ARSL: variants seen among roughly 807,000 people sequenced by gnomAD.
The protein encoded by ARSL is arylsulfatase E (chondrodysplasia punctata 1).
Under a neutral mutation model 31.1 loss-of-function variants are expected in ARSL, and 4 were observed. The ratio of observed to expected loss-of-function variants is 0.13; its 90% CI spans 0.06 to 0.29. The LOEUF (loss-of-function observed/expected upper bound fraction) is 0.29, where lower values mean the gene tolerates loss of function less well. Ranked by LOEUF, ARSL falls within the 10% of genes least tolerant of loss-of-function variation. The pLI, the probability that ARSL is intolerant of heterozygous loss-of-function variation, is 1.00. For missense variants in ARSL, 312 were observed against 497.8 expected (o/e 0.63, Z 3.55); for synonymous variants, 198 against 209.9 (o/e 0.94, Z 0.49).
At chrX:2,946,161 G>A in intron 6 of ARSL, 27 bp from the exon 7 acceptor site, 1 of 1,206,208 alleles carries the variant, frequency 8.3e-7, no homozygotes, top group Non-Finnish European at 1.1e-6. Flanking sequence ...AGCAATTAAG[G>A]TGACTTTTTT....
At position 2,944,509 on chromosome X, in the gene ARSL, CCA is replaced by C. The variant is rs56916363; in HGVS notation, c.992-1312_992-1311del. ...AAACAAAACAAAAAGTGAGACCCTG[CCA>C]CACACACACACACAATTAACTTTTT... On this transcript the variant is annotated intron_variant, in intron 7 of 10. Transcript: ENST00000381134. Among the ~76,000 whole-genome samples the C allele has an allele frequency of 9.4e-5, 10 of 106,838 alleles. No homozygotes were observed. The East Asian group carries it at 2.0e-3, about 22-fold the overall frequency. The allele number at this position is 106,838 out of a possible 115,157, so 92.8% of individuals were successfully genotyped here. A position where few individuals can be genotyped will look rare whatever the true frequency, so the allele number is the denominator to read the frequency against.
chrX:2,943,303 G>A (rs1841461677), intron 7 of ARSL, 104 bp from the exon 8 acceptor site: 1 of 1,025,464 alleles, frequency 9.8e-7, no homozygotes, highest in Admixed American at 2.6e-5. Flanking sequence ...CAAGAATGAA[G>A]CCTTAGTTTT....
intron 7 of ARSL, among the ~76,000 whole-genome samples, chrX:2,945,325 AGGTCAT>A (rs755065346): frequency 1.8e-5 from 2 of 111,881 alleles, no homozygotes; most frequent in Non-Finnish European, 3.8e-5. Flanking sequence ...GGGCAGCAGC[AGGTCAT>A]GGGGCTTTTG....
At chrX:2,962,481 T>C (rs190791257) in intron 1 of ARSL, among the ~76,000 whole-genome samples, 1,307 of 109,915 alleles carry the variant, frequency 0.012, 20 homozygotes, top group African/African-American at 0.04. Context: ...GTGGCCGTGG[T>C]GTCTGTCCAG....
intron 1 of ARSL, among the ~76,000 whole-genome samples, chrX:2,963,146 G>T (rs2089661313): frequency 8.9e-6 from 1 of 111,931 alleles, no homozygotes; most frequent in African/African-American, 3.2e-5. Context: ...TGCTCGTGAG[G>T]TTTTTTTGTT....
chrX:2,952,743 G>A (rs1360224004), intron 5 of ARSL: 4 of 130,864 alleles, frequency 3.1e-5, no homozygotes. Flanking sequence ...ACAGAACAAA[G>A]AAGCAATTAT....
At chrX:2,950,103 C>G (rs747905279) in intron 5 of ARSL, among the ~76,000 whole-genome samples, 3 of 111,939 alleles carry the variant, frequency 2.7e-5, no homozygotes, top group African/African-American at 9.7e-5. Flanking sequence ...CCTGCCTCTC[C>G]CAGCTCCTGA....
chrX:2,944,477 A>C (rs751525046), intron 7 of ARSL, among the ~76,000 whole-genome samples: 2,649 of 107,657 alleles, frequency 0.025, 44 homozygotes, highest in African/African-American at 0.045. Context: ...AAAAAACAAA[A>C]AAAAAAAAAC....
In ARSL at chrX:2,964,295, G is replaced by A. The variant is rs1476203544; in HGVS notation, c.-92C>T. 1 of 752,177 alleles carries A rather than the reference G, an allele frequency of 1.3e-6. No individual in the cohort carries two copies. The highest frequency in any genetic ancestry group is 1.6e-6 in the Non-Finnish European group (1 of 639,102). The allele number at this position is 752,177 out of a possible 1,213,427, so 62.0% of individuals were successfully genotyped here. On this transcript the variant is annotated 5_prime_UTR_variant, in exon 1 of 11. Coordinates refer to ENST00000381134, the MANE Select transcript of ARSL (RefSeq NM_000047.3). ...GTTCTCTCCCAAAGGAAGCAAGCGT[G>A]AAGGCAGAGAGCACTTGCACAAGGC...
chrX:2,963,526 T>A (rs746730796), intron 1 of ARSL, among the ~76,000 whole-genome samples: 1 of 106,239 alleles, frequency 9.4e-6, no homozygotes, highest in Non-Finnish European at 1.9e-5. Flanking sequence ...ATTTTTCTTT[T>A]CTTTTCCTTT....
chrX:2,938,825 T>G (rs896246640), intron 8 of ARSL, among the ~76,000 whole-genome samples: 2 of 111,156 alleles, frequency 1.8e-5, no homozygotes, highest in African/African-American at 6.6e-5. Flanking sequence ...TGGATTAGGG[T>G]GGCCCTAAAT....
At chrX:2,963,056 T>C in intron 1 of ARSL, among the ~76,000 whole-genome samples, 1 of 112,298 alleles carries the variant, frequency 8.9e-6, no homozygotes, top group Non-Finnish European at 1.9e-5. Flanking sequence ...AATAATTTTC[T>C]GTCTGTCGAA....
upstream of ARSL, chrX:2,968,085 C>G: frequency 8.8e-7 from 1 of 1,137,823 alleles, no homozygotes; most frequent in Middle Eastern, 2.3e-4. Context: ...AAGAATATCC[C>G]CTGGAGCGTC....
rs374263937 is a variant in ARSL, at chrX:2,948,547, C to A, written c.854+757G>T. ...ACAAGGCCTTGCTCTGTCGCCCAGGCTCCCTTCATAGCCTCACTACATAGC... is the reference window on the plus strand; with the variant it reads ...ACAAGGCCTTGCTCTGTCGCCCAGGATCCCTTCATAGCCTCACTACATAGC... On this transcript the variant is annotated intron_variant, in intron 6 of 10. Transcript: ENST00000381134. Among the ~76,000 whole-genome samples, 23 of 111,320 alleles carry A rather than the reference C, an allele frequency of 2.1e-4. 2 individuals are homozygous for A. In the South Asian group the frequency reaches 3.8e-3, roughly 18 times the overall value.
At chrX:2,944,314 C>A (rs758459727) in intron 7 of ARSL, among the ~76,000 whole-genome samples, 1 of 108,852 alleles carries the variant, frequency 9.2e-6, no homozygotes, top group African/African-American at 3.3e-5. Flanking sequence ...ATTAGCCAGG[C>A]ATGGTGGCGG....
chrX:2,964,459 T>C, upstream of ARSL: 3 of 750,980 alleles, frequency 4.0e-6, no homozygotes, highest in South Asian at 1.4e-4. Context: ...ACCAAACCAG[T>C]GGTCAGTTTC....
At chrX:2,944,279 C>G (rs372568198) in intron 7 of ARSL, among the ~76,000 whole-genome samples, 1 of 108,808 alleles carries the variant, frequency 9.2e-6, no homozygotes, top group Non-Finnish European at 1.9e-5. Flanking sequence ...CATGGTGAAA[C>G]CCCATCTCTA....
chrX:2,944,270 A>T (rs1416077729), intron 7 of ARSL, among the ~76,000 whole-genome samples: 2 of 109,304 alleles, frequency 1.8e-5, no homozygotes, highest in Non-Finnish European at 3.8e-5. Context: ...CCTGGCCAAC[A>T]TGGTGAAACC....
rs772821867 is a variant in ARSL at position 2,935,231 on chromosome X, T to C, written c.1412-41A>G. 2.6e-6 allele frequency: 3 copies of C among 1,175,239 alleles called. No individual in the cohort carries two copies. The African/African-American group carries it at 5.3e-5, about 21-fold the overall frequency. On this transcript the variant is annotated intron_variant, in intron 10 of 10. Coordinates refer to ENST00000381134, the MANE Select transcript of ARSL (RefSeq NM_000047.3). ...TCATTACAGAGTTGGCATAGAGAAA[T>C]AGGGTGCCTTGCTGGAGAATGGCAT...
Sources: allele counts gnomAD v4.1 joint callset (sites outside exome capture counted in the v4.1 genomes callset), GRCh38; gene constraint gnomAD v4.1.1; transcripts MANE v1.5; gene names NCBI Gene and HGNC (gene_info 2026-07-23, HGNC 2026-07-21).